Variants in PCSK5 observed in about 807,000 individuals in gnomAD.
PCSK5 encodes the protein prohormone convertase 5.
In PCSK5, 129 loss-of-function variants were observed where a neutral mutation model predicts 233.2. That is an observed-to-expected ratio of 0.55 (90% CI 0.48 to 0.64). The LOEUF (loss-of-function observed/expected upper bound fraction) is 0.64, where lower values mean the gene tolerates loss of function less well. PCSK5 is among the 30% of genes least tolerant of loss of function. The pLI is 0.00. For missense variants in PCSK5, 2,076 were observed against 2,430.1 expected (o/e 0.85, Z 3.06); for synonymous variants, 825 against 879.2 (o/e 0.94, Z 1.09).
rs578240234 is a variant in PCSK5 at position 76,138,027 on chromosome 9, C to T, written c.1312+3815C>T. On this transcript the variant is annotated intron_variant, in intron 10 of 37. Transcript: ENST00000674117. ...GGCTTTTGCCATTCCAGCTGGTTTT[C>T]CTTCCTGGAATTTAATGGATGTTAT... Among the ~76,000 whole-genome samples the T allele has an allele frequency of 1.4e-4, 21 of 152,174 alleles. No individual in the cohort carries two copies. The South Asian group carries it at 3.3e-3, about 24-fold the overall frequency.
At chr9:76,340,527 C>G (rs1051586500) in intron 35 of PCSK5, among the ~76,000 whole-genome samples, 2 of 148,150 alleles carry the variant, frequency 1.3e-5, no homozygotes, top group Non-Finnish European at 3.0e-5. Flanking sequence ...TGCCTGTAAT[C>G]TCAACTACTT....
chr9:76,114,154 G>A (rs963394516), intron 9 of PCSK5, among the ~76,000 whole-genome samples: 4 of 152,076 alleles, frequency 2.6e-5, no homozygotes, highest in African/African-American at 7.2e-5. Context: ...TATACAGCCT[G>A]AAGAGGGTGA....
intron 5 of PCSK5, among the ~76,000 whole-genome samples, chr9:76,059,206 A>C (rs1187312959): frequency 3.3e-5 from 5 of 152,164 alleles, no homozygotes; most frequent in Admixed American, 2.6e-4. Context: ...ATGCTTCATT[A>C]GGACTTCGAT....
At chr9:76,004,726 G>T (rs1827406537) in intron 3 of PCSK5, among the ~76,000 whole-genome samples, 1 of 151,980 alleles carries the variant, frequency 6.6e-6, no homozygotes, top group South Asian at 2.1e-4. Flanking sequence ...TCTGAAATTG[G>T]CCCTAGTTTG....
intron 36 of PCSK5, among the ~76,000 whole-genome samples, chr9:76,351,396 A>C (rs948234102): frequency 2.0e-5 from 3 of 148,888 alleles, no homozygotes; most frequent in South Asian, 2.2e-4. Flanking sequence ...ACAGCTCTTT[A>C]GAATTTCTGG....
intron 2 of PCSK5, among the ~76,000 whole-genome samples, chr9:75,971,895 G>A (rs1825828947): frequency 6.6e-6 from 1 of 151,976 alleles, no homozygotes. Flanking sequence ...TCTGATCATA[G>A]TTTCTTTTGC....
intron 24 of PCSK5, among the ~76,000 whole-genome samples, chr9:76,256,541 C>T (rs1826988135): frequency 6.6e-6 from 1 of 152,194 alleles, no homozygotes; most frequent in East Asian, 1.9e-4. Context: ...GATGGATTCA[C>T]CTTTACAGAT....
At chr9:75,978,817 A>G (rs533756119) in intron 2 of PCSK5, among the ~76,000 whole-genome samples, 64 of 151,504 alleles carry the variant, frequency 4.2e-4, no homozygotes, top group Middle Eastern at 3.4e-3. Flanking sequence ...AATGATCTAC[A>G]TACATCTGAT....
At chr9:76,228,546 G>A (rs997902170) in intron 21 of PCSK5, among the ~76,000 whole-genome samples, 1 of 152,216 alleles carries the variant, frequency 6.6e-6, no homozygotes. Context: ...GAGTTAATGA[G>A]GGAATAGCAA....
chr9:76,040,385 GTC>G (rs5898445), intron 5 of PCSK5, among the ~76,000 whole-genome samples: 25,606 of 80,990 alleles, frequency 0.32, 4,304 homozygotes, highest in African/African-American at 0.49. Context: ...CTCTCTCTCT[GTC>G]TCTCTCTCTC....
At chr9:75,954,784 T>C (rs986241285) in intron 2 of PCSK5, among the ~76,000 whole-genome samples, 1 of 152,150 alleles carries the variant, frequency 6.6e-6, no homozygotes, top group African/African-American at 2.4e-5. Context: ...CCTTTTGCTC[T>C]AGGGCTTTCT....
chr9:76,312,581 A>G (rs980828651), intron 30 of PCSK5, among the ~76,000 whole-genome samples: 1 of 152,016 alleles, frequency 6.6e-6, no homozygotes, highest in African/African-American at 2.4e-5. Flanking sequence ...CATTACTGAG[A>G]TAGACTCTAT....
intron 3 of PCSK5, among the ~76,000 whole-genome samples, chr9:76,017,658 A>G (rs1331796077): frequency 6.6e-6 from 1 of 152,138 alleles, no homozygotes; most frequent in Non-Finnish European, 1.5e-5. Flanking sequence ...TTGGGCTTCC[A>G]TGGGATTTCT....
intron 3 of PCSK5, among the ~76,000 whole-genome samples, chr9:76,011,786 T>A (rs984825990): frequency 6.6e-6 from 1 of 152,134 alleles, no homozygotes; most frequent in Non-Finnish European, 1.5e-5. Flanking sequence ...ATGGCCAGAG[T>A]TTATTGCCTG....
intron 5 of PCSK5, among the ~76,000 whole-genome samples, chr9:76,043,973 A>G (rs1414975174): frequency 6.6e-6 from 1 of 151,976 alleles, no homozygotes; most frequent in Admixed American, 6.5e-5. Flanking sequence ...ACACACATGT[A>G]CCCCTAACTA....
At chr9:76,253,907 A>G (rs759348993) in intron 24 of PCSK5, among the ~76,000 whole-genome samples, 56 of 152,172 alleles carry the variant, frequency 3.7e-4, no homozygotes, top group Non-Finnish European at 6.6e-4. Context: ...TTATAAGTAA[A>G]CACTAGGATA....
chr9:76,232,943 CT>C lies in PCSK5; in HGVS notation c.2730-515del, dbSNP rs1385628253. Among the ~76,000 whole-genome samples the C allele has an allele frequency of 2.0e-5, 3 of 152,206 alleles. No homozygotes were observed. The East Asian group carries it at 5.8e-4, about 29-fold the overall frequency. ...ACTCAAAATCAGAGTTCATTGATTA[CT>C]TGCAATATACACAGGCCAGGCTTCT... is the stretch of plus-strand genomic sequence containing the variant. On this transcript the variant is annotated intron_variant, in intron 21 of 37. Coordinates refer to ENST00000674117, the MANE Select transcript of PCSK5 (RefSeq NM_001372043.1).
At chr9:76,143,136 G>A (rs1420923903) in intron 10 of PCSK5, among the ~76,000 whole-genome samples, 2 of 152,194 alleles carry the variant, frequency 1.3e-5, no homozygotes, top group South Asian at 4.2e-4. Context: ...AGCTTATCTG[G>A]AATACCGTAG....
chr9:76,102,716 A>G (rs1831814155), intron 8 of PCSK5, among the ~76,000 whole-genome samples: 1 of 152,216 alleles, frequency 6.6e-6, no homozygotes, highest in Non-Finnish European at 1.5e-5. Flanking sequence ...TTGTATATAC[A>G]CATATGCACA....
Sources: gnomAD v4.1 joint callset for allele counts (sites outside exome capture counted in the v4.1 genomes callset) on GRCh38, gnomAD v4.1.1 for gene constraint, MANE v1.5 for transcripts, NCBI Gene and HGNC (gene_info 2026-07-23, HGNC 2026-07-21) for gene names.